The following CSMD1 variants were observed in gnomAD, a reference collection of about 807,000 sequenced individuals.
CSMD1 encodes CUB and sushi domain-containing protein 1.
In CSMD1, 213 loss-of-function variants were observed where a neutral mutation model predicts 417.5. That is an observed-to-expected ratio of 0.51 (90% confidence interval 0.46 to 0.57). CSMD1 has a LOEUF of 0.57. Ranked by LOEUF, CSMD1 falls within the 20% of genes least tolerant of loss-of-function variation. The probability of loss-of-function intolerance (pLI) is 0.00; values close to 1 mark genes in which losing one functional copy is unlikely to be tolerated. For missense variants in CSMD1, 6,923 were observed against 4,529.7 expected (o/e 1.53, Z -15.17); for synonymous variants, 2,862 against 1,736.8 (o/e 1.65, Z -16.11).
chr8:4,311,499 G>T (rs181893352), intron 3 of CSMD1, among the ~76,000 whole-genome samples: 1 of 152,152 alleles, frequency 6.6e-6, no homozygotes, highest in Non-Finnish European at 1.5e-5. Flanking sequence ...AAGTTGGGCA[G>T]ATCACCTGAG....
At chr8:4,207,953 C>T (rs968387353) in intron 3 of CSMD1, among the ~76,000 whole-genome samples, 18 of 152,158 alleles carry the variant, frequency 1.2e-4, no homozygotes, top group African/African-American at 4.1e-4. Context: ...AAGAATTTAT[C>T]TTTAGGCAAT....
At chr8:3,130,241 T>G (rs987629656) in intron 41 of CSMD1, among the ~76,000 whole-genome samples, 1 of 152,092 alleles carries the variant, frequency 6.6e-6, no homozygotes, top group African/African-American at 2.4e-5. Flanking sequence ...AGGATGTAGT[T>G]CACTAGGAAT....
At chr8:4,625,311 G>A (rs929486109) in intron 2 of CSMD1, among the ~76,000 whole-genome samples, 2 of 152,008 alleles carry the variant, frequency 1.3e-5, no homozygotes, top group Non-Finnish European at 2.9e-5. Context: ...GGAAGTTGAG[G>A]ATGTCTTAAA....
intron 5 of CSMD1, among the ~76,000 whole-genome samples, chr8:3,924,271 G>A (rs764813386): frequency 5.3e-5 from 8 of 152,060 alleles, no homozygotes; most frequent in Admixed American, 2.0e-4. Context: ...CTTATATGTT[G>A]TAAACTGCTT....
intron 7 of CSMD1, among the ~76,000 whole-genome samples, chr8:3,698,582 A>G (rs1173652553): frequency 1.3e-5 from 2 of 152,198 alleles, no homozygotes; most frequent in Non-Finnish European, 1.5e-5. Flanking sequence ...GCCTACTACC[A>G]TTCAGATAAA....
chr8:4,134,051 A>C (rs1647348), intron 3 of CSMD1, among the ~76,000 whole-genome samples: 1 of 152,162 alleles, frequency 6.6e-6, no homozygotes, highest in Non-Finnish European at 1.5e-5. Flanking sequence ...GAGATTAGCT[A>C]TTAATAAAGA....
At chr8:3,987,037 G>C (rs1316923002) in intron 5 of CSMD1, among the ~76,000 whole-genome samples, 1 of 152,116 alleles carries the variant, frequency 6.6e-6, no homozygotes, top group Non-Finnish European at 1.5e-5. Context: ...TTACAGACGT[G>C]AATCACCGCA....
At chr8:3,906,314 C>T (rs577299534) in intron 5 of CSMD1, among the ~76,000 whole-genome samples, 2 of 152,008 alleles carry the variant, frequency 1.3e-5, no homozygotes, top group East Asian at 1.9e-4. Context: ...CCCCATGAAA[C>T]ATCAATTTGG....
chr8:4,121,588 G>C (rs1179818124), intron 3 of CSMD1, among the ~76,000 whole-genome samples: 4 of 142,922 alleles, frequency 2.8e-5, no homozygotes, highest in African/African-American at 1.0e-4. Context: ...TTTTTCAAAA[G>C]AGAAGTAAAT....
At chr8:4,951,822 C>A (rs1480442938) in intron 1 of CSMD1, among the ~76,000 whole-genome samples, 2 of 145,886 alleles carry the variant, frequency 1.4e-5, no homozygotes, top group Non-Finnish European at 3.0e-5. Flanking sequence ...TTTGCACAAG[C>A]TGCTTATAAA....
chr8:3,767,477 G>A (rs1406447286), intron 5 of CSMD1, among the ~76,000 whole-genome samples: 4 of 152,132 alleles, frequency 2.6e-5, no homozygotes, highest in Non-Finnish European at 5.9e-5. Flanking sequence ...GTTCTCTCAA[G>A]CATCTTTTTC....
intron 12 of CSMD1, among the ~76,000 whole-genome samples, chr8:3,447,786 G>A (rs904348713): frequency 7.9e-5 from 12 of 152,204 alleles, no homozygotes; most frequent in African/African-American, 2.9e-4. Flanking sequence ...GGCAGTGGAT[G>A]GAGGGTGCAG....
intron 10 of CSMD1, among the ~76,000 whole-genome samples, chr8:3,565,798 G>A (rs774097252): frequency 3.3e-4 from 50 of 151,986 alleles, no homozygotes; most frequent in Admixed American, 2.8e-3. Context: ...ACATAACCCT[G>A]AGATATCTCT....
At chr8:2,957,971 AGT>A (rs755023788) in intron 62 of CSMD1, among the ~76,000 whole-genome samples, 164 bp from the exon 63 acceptor site, 5 of 152,240 alleles carry the variant, frequency 3.3e-5, no homozygotes, top group Non-Finnish European at 5.9e-5. Context: ...TGCCTGCTAC[AGT>A]GTTACACACA....
intron 3 of CSMD1, among the ~76,000 whole-genome samples, chr8:4,151,134 C>CA (rs905274507): frequency 6.6e-6 from 1 of 152,160 alleles, no homozygotes; most frequent in African/African-American, 2.4e-5. Context: ...CCCTGTTCAC[C>CA]AAATACATTA....
At chr8:3,833,120 G>C (rs976363344) in intron 5 of CSMD1, among the ~76,000 whole-genome samples, 1 of 152,062 alleles carries the variant, frequency 6.6e-6, no homozygotes, top group East Asian at 1.9e-4. Context: ...CCACTACAGG[G>C]AGCATGTCAA....
chr8:3,570,604 C>T (rs528627513), intron 10 of CSMD1, among the ~76,000 whole-genome samples: 2 of 152,298 alleles, frequency 1.3e-5, no homozygotes, highest in South Asian at 4.1e-4. Flanking sequence ...GCAATGCTAT[C>T]ACGGAGCTAC....
rs565011299 is a variant in CSMD1, at chr8:3,316,019, C to T, written c.3632-7516G>A. Among the ~76,000 whole-genome samples the T allele has an allele frequency of 4.6e-5, 7 of 152,258 alleles. No individual in the cohort carries two copies. The East Asian group carries it at 7.7e-4, about 17-fold the overall frequency. On this transcript the variant is annotated intron_variant, in intron 23 of 69. Transcript: ENST00000635120. ...ATAATTCAAATTATTCACTTTCTCA[C>T]TGATTTTTTTACCACTATGCACGTA...
chr8:4,672,495 G>GA (rs35657556), intron 1 of CSMD1, among the ~76,000 whole-genome samples: 4 of 151,934 alleles, frequency 2.6e-5, no homozygotes, highest in Non-Finnish European at 4.4e-5. Context: ...TATTACTGAT[G>GA]AAAAAAAGCT....
Sources: gnomAD v4.1 joint callset for allele counts (sites outside exome capture counted in the v4.1 genomes callset) on GRCh38, gnomAD v4.1.1 for gene constraint, MANE v1.5 for transcripts, NCBI Gene and HGNC (gene_info 2026-07-23, HGNC 2026-07-21) for gene names.